Variants in HAUS7 observed in about 807,000 individuals in gnomAD.
The protein encoded by HAUS7 is HAUS augmin like complex subunit 7.
In HAUS7, 3 loss-of-function variants were observed where a neutral mutation model predicts 28.4. The ratio of observed to expected loss-of-function variants is 0.11; its 90% CI spans 0.05 to 0.27. HAUS7 has a LOEUF of 0.27. Among genes scored for constraint, HAUS7 ranks in the 10% least tolerant of loss-of-function variants. The pLI is 1.00. For synonymous variants in HAUS7, 165 were observed against 132.1 expected, an observed-to-expected ratio of 1.25 and a Z score of -1.71; for missense variants, 284 against 297.3, an observed-to-expected ratio of 0.96 and a Z score of 0.33.
At position 153,465,584 on chromosome X, in the gene HAUS7, G is replaced by A. The variant is rs561513415; in HGVS notation, c.225-529C>T. 3.2e-4 allele frequency among the ~76,000 whole-genome samples: 36 copies of A among 112,651 alleles called. 1 individual carries two copies. In the South Asian group the frequency reaches 0.012, roughly 36 times the overall value. The stretch of plus-strand genomic sequence containing the variant: ...CGCAACAGAGTCTGTGGTCACAGTC[G>A]AGGCTCATCACCTTGGGCACGGTGA... On this transcript the variant is annotated intron_variant, in intron 2 of 9. Coordinates refer to ENST00000370211, the MANE Select transcript of HAUS7 (RefSeq NM_001385482.1).
chrX:153,457,259 G>C, intron 4 of HAUS7, 31 bp from the exon 5 acceptor site: 1 of 1,009,373 alleles, frequency 9.9e-7, no homozygotes, highest in Non-Finnish European at 1.4e-6. Context: ...ACATTCACTG[G>C]CTCCATCTAA....
At chrX:153,453,356 G>A (rs1232950964) in intron 9 of HAUS7, among the ~76,000 whole-genome samples, 3 of 111,534 alleles carry the variant, frequency 2.7e-5, no homozygotes, top group South Asian at 3.8e-4. Context: ...ATAAGAGGAT[G>A]GTTACACAAC....
chrX:153,487,176 G>T, intron 1 of HAUS7: 1 of 203,632 alleles, frequency 4.9e-6, no homozygotes, highest in African/African-American at 3.0e-5. Context: ...TTCTCTGAGA[G>T]CCTCCCCACC....
chrX:153,469,848 A>G (rs2089498154), intron 1 of HAUS7, among the ~76,000 whole-genome samples: 1 of 111,048 alleles, frequency 9.0e-6, no homozygotes, highest in African/African-American at 3.3e-5. Context: ...GACTGAGGGA[A>G]AGGGGAGAGG....
At chrX:153,456,410 G>A in intron 6 of HAUS7, 46 bp from the exon 7 acceptor site, 1 of 1,175,588 alleles carries the variant, frequency 8.5e-7, no homozygotes, top group Non-Finnish European at 1.2e-6. Context: ...GCTGCCAGGG[G>A]TGTCTGCAGT....
At chrX:153,481,133 G>C (rs897349019) in intron 1 of HAUS7, 12 of 527,575 alleles carry the variant, frequency 2.3e-5, no homozygotes, top group Non-Finnish European at 2.8e-5. Context: ...AAGTGCCCTC[G>C]TGTGTGGGGT....
At chrX:153,493,590 C>T (rs904192517) in intron 1 of HAUS7, among the ~76,000 whole-genome samples, 3 of 112,460 alleles carry the variant, frequency 2.7e-5, no homozygotes, top group African/African-American at 9.7e-5. Context: ...ACCAGGGTTA[C>T]CAGCCTGGCC....
chrX:153,480,291 G>A (rs782019035), intron 1 of HAUS7, among the ~76,000 whole-genome samples: 47 of 110,958 alleles, frequency 4.2e-4, no homozygotes, highest in Non-Finnish European at 8.0e-4. Context: ...TAACCTATAG[G>A]CCCAGCCCCT....
At chrX:153,462,158 C>T in intron 4 of HAUS7, 2 of 1,019,419 alleles carry the variant, frequency 2.0e-6, no homozygotes, top group Non-Finnish European at 2.6e-6. Flanking sequence ...CGAGTGAAAA[C>T]AATTATTTCA....
intron 9 of HAUS7, among the ~76,000 whole-genome samples, chrX:153,451,299 G>A (rs1016510251): frequency 1.8e-5 from 2 of 112,646 alleles, no homozygotes; most frequent in Non-Finnish European, 3.8e-5. Flanking sequence ...ACACTGTTGC[G>A]AATACCAATG....
chrX:153,457,167 C>T lies in HAUS7; in HGVS notation c.416G>A (p.Ser139Asn), dbSNP rs1270946340. 6 of 1,203,396 alleles carry T rather than the reference C, an allele frequency of 5.0e-6. No individual in the cohort carries two copies. The highest frequency in any genetic ancestry group is 6.8e-6 in the Non-Finnish European group (6 of 887,422). ...FMDQLLDTIR[S>N]LTIGCSSCSS... is the part of the protein sequence containing the mutation. Reference sequence around the variant, plus strand: ...GCAACTGGAGCACCCAATGGTCAGGCTCCGGATGGTATCGAGCAACTGGTC... The same window carrying T: ...GCAACTGGAGCACCCAATGGTCAGGTTCCGGATGGTATCGAGCAACTGGTC... Residue 139 changes from serine (S) to asparagine (N), a missense_variant, in exon 5 of 10, where the codon AGC becomes AAC. Coordinates refer to ENST00000370211, the MANE Select transcript of HAUS7 (RefSeq NM_001385482.1).
intron 1 of HAUS7, chrX:153,479,230 C>A (rs1402922030): frequency 4.0e-6 from 2 of 495,413 alleles, no homozygotes; most frequent in African/African-American, 5.2e-5. Flanking sequence ...CACCACCGTG[C>A]CTCTCCCAGC....
At chrX:153,473,094 T>C (rs368615184), upstream of HAUS7, among the ~76,000 whole-genome samples, 20 of 111,661 alleles carry the variant, frequency 1.8e-4, no homozygotes, top group Admixed American at 6.6e-4. Flanking sequence ...CCCAGAGATA[T>C]ATGGCCAAAC....
intron 9 of HAUS7, among the ~76,000 whole-genome samples, chrX:153,453,576 A>C (rs1437197297): frequency 9.0e-6 from 1 of 110,523 alleles, no homozygotes; most frequent in Non-Finnish European, 1.9e-5. Flanking sequence ...AAAAAAAAAA[A>C]GGAATAGAAT....
chrX:153,468,178 G>A (rs909421651), intron 2 of HAUS7, among the ~76,000 whole-genome samples: 15 of 112,411 alleles, frequency 1.3e-4, no homozygotes, highest in South Asian at 3.7e-4. Context: ...CCAGCTGGGC[G>A]TCCTGCTGAT....
rs782574712 is a variant in HAUS7, at chrX:153,456,343, G to A, written c.627C>T (p.Ser209=). ...GCTCCGCCAGCTTCTCCTCCTCCTC[G>A]GACTTGGCAGAGGCACTGGCCCTGC... The part of the protein sequence containing the change: ...DWQWASASAK[S]EEEEKLAELA... The change falls in exon 7 of 10, where the codon TCC becomes TCT. Residue 209 remains serine (S), a synonymous_variant. Transcript: ENST00000370211. The A allele has an allele frequency of 7.4e-6, 9 of 1,209,824 alleles. No individual in the cohort carries two copies. The highest frequency in any genetic ancestry group is 3.5e-5 in the South Asian group (2 of 56,962).
At chrX:153,485,560 G>A (rs1384865773) in intron 1 of HAUS7, among the ~76,000 whole-genome samples, 1 of 112,281 alleles carries the variant, frequency 8.9e-6, no homozygotes, top group Non-Finnish European at 1.9e-5. Context: ...AAGCCTTGGG[G>A]GACAGAGGAG....
chrX:153,461,051 G>A (rs1042751624), intron 4 of HAUS7, among the ~76,000 whole-genome samples: 1 of 112,384 alleles, frequency 8.9e-6, no homozygotes, highest in African/African-American at 3.2e-5. Context: ...CACACAGGGG[G>A]GACCCGAAGA....
chrX:153,478,169 G>A lies in HAUS7; in HGVS notation c.-588-7024C>T, dbSNP rs914382873. On this transcript the variant is annotated intron_variant, in intron 1 of 5. Coordinates refer to the HAUS7 transcript ENST00000370210. Reference sequence around the variant, plus strand: ...ACTGGCCCTGAAGAGCCGAGCCAGCGGTGAGATCAGTCCTCTCTGCCAGCC... The same window carrying A: ...ACTGGCCCTGAAGAGCCGAGCCAGCAGTGAGATCAGTCCTCTCTGCCAGCC... Among the ~76,000 whole-genome samples the A allele has an allele frequency of 6.2e-5, 7 of 112,901 alleles. No individual in the cohort carries two copies. In the South Asian group the frequency reaches 1.5e-3, roughly 24 times the overall value.
Sources: allele counts gnomAD v4.1 joint callset (sites outside exome capture counted in the v4.1 genomes callset), GRCh38; gene constraint gnomAD v4.1.1; transcripts MANE v1.5; gene names NCBI Gene and HGNC (gene_info 2026-07-23, HGNC 2026-07-21).